The following PDGFRL variants were observed in gnomAD, a reference collection of about 807,000 sequenced individuals.
PDGFRL encodes the protein platelet derived growth factor receptor like.
Under a neutral mutation model 37.2 loss-of-function variants are expected in PDGFRL, and 46 were observed. The observed-to-expected ratio is 1.24, with a 90% CI of 0.98 to 1.58. The LOEUF (loss-of-function observed/expected upper bound fraction) is 1.58, where lower values mean the gene tolerates loss of function less well. Among genes scored for constraint, PDGFRL ranks in the 40% most tolerant of loss-of-function variants. The probability of loss-of-function intolerance (pLI) is 0.00; values close to 1 mark genes in which losing one functional copy is unlikely to be tolerated. For missense variants in PDGFRL, 692 were observed against 467.6 expected, an observed-to-expected ratio of 1.48 and a Z score of -4.43; for synonymous variants, 251 against 184.3, an observed-to-expected ratio of 1.36 and a Z score of -2.93.
chr8:17,604,668 T>C (rs1389010786), intron 2 of PDGFRL, among the ~76,000 whole-genome samples: 1 of 152,088 alleles, frequency 6.6e-6, no homozygotes, highest in East Asian at 1.9e-4. Flanking sequence ...CATACCAGCA[T>C]GGCACATGTA....
At chr8:17,593,515 C>T (rs1042737441) in intron 2 of PDGFRL, among the ~76,000 whole-genome samples, 5 of 151,616 alleles carry the variant, frequency 3.3e-5, no homozygotes, top group African/African-American at 1.2e-4. Context: ...GTGGGATCAC[C>T]TGAGCCCAGG....
chr8:17,598,596 A>T (rs2720480), intron 2 of PDGFRL, among the ~76,000 whole-genome samples: 45,824 of 152,056 alleles, frequency 0.3, 7,692 homozygotes, highest in African/African-American at 0.45. Context: ...GAGGTAGGTC[A>T]GCTAGGCAAA....
rs149318590 is a variant in PDGFRL at position 17,608,728 on chromosome 8, G to T, written c.354-12323G>T. 4.6e-3 allele frequency among the ~76,000 whole-genome samples: 707 copies of T among 152,330 alleles called. 22 individuals are homozygous for T. The highest frequency in any genetic ancestry group is 0.043 in the Admixed American group (657 of 15,298). ...CGACAAGCAGCTTAAGAACTAGTGA[G>T]ATAAAAGACAAACCAGATACAAGGA... On this transcript the variant is annotated intron_variant, in intron 2 of 5. Coordinates refer to ENST00000251630, the MANE Select transcript of PDGFRL (RefSeq NM_001372073.1).
Position 17,633,375 on chromosome 8 carries a change from T to A in PDGFRL, c.800-699T>A, listed in dbSNP as rs987766073. 4.0e-5 allele frequency among the ~76,000 whole-genome samples: 6 copies of A among 151,846 alleles called. No individual in the cohort carries two copies. The East Asian group carries it at 1.2e-3, about 30-fold the overall frequency. On this transcript the variant is annotated intron_variant, in intron 4 of 5. Coordinates refer to ENST00000251630, the MANE Select transcript of PDGFRL (RefSeq NM_001372073.1). Reference sequence around the variant, plus strand: ...TGCAGGAGTTTGAGGCTGCAGAGAGTTAAGATTGCACCACTGTTGGCAGGC... The same window carrying A: ...TGCAGGAGTTTGAGGCTGCAGAGAGATAAGATTGCACCACTGTTGGCAGGC...
chr8:17,634,049 C>A, intron 4 of PDGFRL, 25 bp from the exon 5 acceptor site: 1 of 1,612,588 alleles, frequency 6.2e-7, no homozygotes, highest in Non-Finnish European at 8.5e-7. Flanking sequence ...GGGTCTCACT[C>A]TGCCTGTTTC....
intron 1 of PDGFRL, among the ~76,000 whole-genome samples, chr8:17,584,323 C>T (rs931784577): frequency 2.0e-5 from 3 of 152,150 alleles, no homozygotes; most frequent in African/African-American, 7.2e-5. Context: ...GAGATGCTAA[C>T]TTTGACATGC....
At chr8:17,612,406 CTG>C (rs1301489051) in intron 2 of PDGFRL, among the ~76,000 whole-genome samples, 1 of 152,074 alleles carries the variant, frequency 6.6e-6, no homozygotes, top group Admixed American at 6.6e-5. Context: ...GTGTCTCACT[CTG>C]TTGCCCAGGC....
intron 1 of PDGFRL, among the ~76,000 whole-genome samples, chr8:17,579,183 G>A (rs758348463): frequency 6.6e-6 from 1 of 152,136 alleles, no homozygotes; most frequent in Non-Finnish European, 1.5e-5. Context: ...GCGACAAAGT[G>A]AGACTCCATC....
chr8:17,631,637 T>G (rs1466348218), intron 4 of PDGFRL, among the ~76,000 whole-genome samples: 1 of 152,052 alleles, frequency 6.6e-6, no homozygotes, highest in Non-Finnish European at 1.5e-5. Flanking sequence ...CTTTGCCCAC[T>G]CCCATCTGGC....
At chr8:17,599,530 A>G (rs754906707) in intron 2 of PDGFRL, among the ~76,000 whole-genome samples, 1 of 152,030 alleles carries the variant, frequency 6.6e-6, no homozygotes, top group Admixed American at 6.6e-5. Flanking sequence ...GAAACTTGCG[A>G]CCCTAAATGA....
chr8:17,593,028 T>C lies in PDGFRL; in HGVS notation c.353+3263T>C, dbSNP rs1028256409. On this transcript the variant is annotated intron_variant, in intron 2 of 5. Transcript: ENST00000251630. ...TTAAACTGTCTACTTATCTCTCTTATCCTGTTGTATTAAGACATCTTTCAC... is the reference window on the plus strand; with the variant it reads ...TTAAACTGTCTACTTATCTCTCTTACCCTGTTGTATTAAGACATCTTTCAC... 8.5e-5 allele frequency among the ~76,000 whole-genome samples: 13 copies of C among 152,276 alleles called. No homozygotes were observed. The South Asian group carries it at 1.7e-3, about 19-fold the overall frequency.
intron 2 of PDGFRL, among the ~76,000 whole-genome samples, chr8:17,611,390 C>G (rs980264254): frequency 2.0e-5 from 3 of 152,182 alleles, no homozygotes; most frequent in African/African-American, 4.8e-5. Flanking sequence ...GGTCACATAG[C>G]CAGTAACTGG....
At chr8:17,588,840 T>G (rs572514533) in intron 1 of PDGFRL, among the ~76,000 whole-genome samples, 1 of 152,260 alleles carries the variant, frequency 6.6e-6, no homozygotes, top group Non-Finnish European at 1.5e-5. Context: ...TTCTGCTGTT[T>G]TGTGTGACTG....
intron 2 of PDGFRL, among the ~76,000 whole-genome samples, chr8:17,608,209 A>C (rs1345630510): frequency 6.6e-6 from 1 of 152,040 alleles, no homozygotes; most frequent in Non-Finnish European, 1.5e-5. Context: ...ACCACATCCT[A>C]CTGTCCAAAG....
intron 1 of PDGFRL, 61 bp downstream of exon 1, chr8:17,577,368 G>A: frequency 1.5e-6 from 2 of 1,362,732 alleles, no homozygotes; most frequent in Admixed American, 3.9e-5. Flanking sequence ...GGGACCCGAA[G>A]CCCCCGCCGC....
intron 5 of PDGFRL, among the ~76,000 whole-genome samples, chr8:17,637,915 T>C (rs1468107415): frequency 1.4e-5 from 1 of 72,746 alleles, no homozygotes; most frequent in East Asian, 4.5e-4. Flanking sequence ...GGTTGTAATA[T>C]CTTGTTTCAT....
At chr8:17,601,074 C>G (rs771576306) in intron 2 of PDGFRL, among the ~76,000 whole-genome samples, 2 of 152,196 alleles carry the variant, frequency 1.3e-5, no homozygotes, top group Non-Finnish European at 2.9e-5. Context: ...CTAATTCCAT[C>G]CAGTTGCTCT....
chr8:17,629,784 A>G (rs1174406862), intron 4 of PDGFRL, among the ~76,000 whole-genome samples: 1 of 152,034 alleles, frequency 6.6e-6, no homozygotes, highest in Non-Finnish European at 1.5e-5. Context: ...TGTGACAGCA[A>G]CCACCGGGGC....
intron 2 of PDGFRL, among the ~76,000 whole-genome samples, chr8:17,611,597 A>G (rs1426370595): frequency 6.6e-6 from 1 of 152,158 alleles, no homozygotes; most frequent in African/African-American, 2.4e-5. Flanking sequence ...AAATGAGCCG[A>G]TGTGTCTGGG....
Sources: gnomAD v4.1 joint callset for allele counts (sites outside exome capture counted in the v4.1 genomes callset) on GRCh38, gnomAD v4.1.1 for gene constraint, MANE v1.5 for transcripts, NCBI Gene and HGNC (gene_info 2026-07-23, HGNC 2026-07-21) for gene names.